GALNT5: variants seen among roughly 807,000 people sequenced by gnomAD.
GALNT5 encodes UDP-GalNAc:polypeptide N-acetylgalactosaminyltransferase 5.
A neutral mutation model predicts 85.4 loss-of-function variants in GALNT5; 72 were observed. The observed-to-expected ratio is 0.84, with a 90% confidence interval of 0.70 to 1.03. GALNT5 has a LOEUF of 1.03. Among genes scored for constraint, GALNT5 ranks in the 50% least tolerant of loss-of-function variants. The pLI is 0.00. For missense variants in GALNT5, 1,137 were observed against 1,135.5 expected (o/e 1.00, Z -0.02); for synonymous variants, 404 against 397.0 (o/e 1.02, Z -0.21).
At chr2:157,280,157 A>C (rs1342828170) in intron 1 of GALNT5, among the ~76,000 whole-genome samples, 1 of 152,152 alleles carries the variant, frequency 6.6e-6, no homozygotes, top group Non-Finnish European at 1.5e-5. Flanking sequence ...GTTCTCCAAA[A>C]ATATATTTAC....
rs1682268563 is a variant in GALNT5 at position 157,258,961 on chromosome 2, T to C, written c.879T>C (p.Ile293=). The C allele has an allele frequency of 6.6e-7, 1 of 1,515,910 alleles. No individual in the cohort carries two copies. The highest frequency in any genetic ancestry group is 8.8e-7 in the Non-Finnish European group (1 of 1,134,010). 93.9% of individuals were successfully genotyped at this position (1,515,910 alleles called of 1,614,324 possible). ...VNSNRLRKQS[I]NETPLGSLSK... is the part of the protein sequence containing the mutation. Reference sequence around the variant, plus strand: ...CAAATCGCTTAAGGAAGCAATCTATTAATGAGACACCTTTGGGAAGTTTGT... The same window carrying C: ...CAAATCGCTTAAGGAAGCAATCTATCAATGAGACACCTTTGGGAAGTTTGT... The change falls in exon 1 of 10, where the codon ATT becomes ATC. Residue 293 remains isoleucine (I), a synonymous_variant. Coordinates refer to ENST00000259056, the MANE Select transcript of GALNT5 (RefSeq NM_014568.3).
In GALNT5 at chr2:157,284,314, C is replaced by T; in HGVS notation, c.1487C>T (p.Pro496Leu). The change falls in exon 2 of 10, where the codon CCA becomes CTA. Residue 496 changes from proline to leucine, a missense_variant. By Grantham distance (98) the Pro-to-Leu change is moderately conservative. Coordinates refer to ENST00000259056, the MANE Select transcript of GALNT5 (RefSeq NM_014568.3). ...GAGCAGCTAGTTCACAATAACCTCC[C>T]AACCACCAGTGTCATCATGTGCTTT... Reference protein sequence around the residue: ...CAEQLVHNNLPTTSVIMCFVD... With the variant: ...CAEQLVHNNLLTTSVIMCFVD... The T allele has an allele frequency of 6.2e-7, 1 of 1,613,910 alleles. No homozygotes were observed. Among genetic ancestry groups the T allele is most frequent in the Non-Finnish European group, 8.5e-7 (1 of 1,179,920 alleles).
rs574969731 is a variant in GALNT5, at chr2:157,318,120, T to C, written c.*6772T>C. ...TACTGTCAAACATATTTCTTCTTTA[T>C]TATACTCTGGTGCTTTATCCTTCTC... On this transcript the variant is annotated 3_prime_UTR_variant, in exon 10 of 10. Coordinates refer to ENST00000259056, the MANE Select transcript of GALNT5 (RefSeq NM_014568.3). 1.4e-4 allele frequency among the ~76,000 whole-genome samples: 21 copies of C among 152,212 alleles called. No individual in the cohort carries two copies. The highest frequency in any genetic ancestry group is 5.1e-4 in the African/African-American group (21 of 41,566).
chr2:157,304,208 G>GGCATTGAATTCA (rs1182006657), intron 7 of GALNT5, among the ~76,000 whole-genome samples: 1 of 152,132 alleles, frequency 6.6e-6, no homozygotes, highest in African/African-American at 2.4e-5. Flanking sequence ...GTGGGACTGT[G>GGCATTGAATTCA]GGGGCATTGA....
At chr2:157,300,080 C>G (rs1030143283) in intron 6 of GALNT5, among the ~76,000 whole-genome samples, 7 of 152,320 alleles carry the variant, frequency 4.6e-5, no homozygotes, top group African/African-American at 1.7e-4. Flanking sequence ...AGCAGGTCAC[C>G]AACAGGTCAG....
At position 157,259,175 on chromosome 2, in the gene GALNT5, G is replaced by C; in HGVS notation, c.1093G>C (p.Glu365Gln). Residue 365 changes from glutamate (E) to glutamine (Q), a missense_variant, in exon 1 of 10, where the codon GAG becomes CAG. Physicochemically the swap from Glu to Gln is conservative, Grantham distance 29. Coordinates refer to ENST00000259056, the MANE Select transcript of GALNT5 (RefSeq NM_014568.3). ...TAAACACATTTCCAGGAATAGAAGT[G>C]AGATGTCTTCCTCTTCACTTGCTCC... ...QSKHISRNRS[E>Q]MSSSSLAPHR... 6.5e-7 allele frequency: 1 copy of C among 1,529,728 alleles called. No individual in the cohort carries two copies. Among genetic ancestry groups the C allele is most frequent in the East Asian group, 2.3e-5 (1 of 43,968 alleles). The allele number at this position is 1,529,728 out of a possible 1,614,324, so 94.8% of individuals were successfully genotyped here.
rs1211441296 is a variant in GALNT5, at chr2:157,313,593, A to T, written c.*2245A>T. 1 of 152,150 alleles carries T rather than the reference A, an allele frequency of 6.6e-6. No individual in the cohort carries two copies. Among genetic ancestry groups the T allele is most frequent in the Non-Finnish European group, 1.5e-5 (1 of 68,014 alleles). 9.4% of individuals were successfully genotyped at this position (152,150 alleles called of 1,614,324 possible). On this transcript the variant is annotated 3_prime_UTR_variant, in exon 10 of 10. Transcript: ENST00000259056. ...CTTCATGTAACTAAAAAATGTTGAG[A>T]GGTTTTTTTCCCCCGGGTATATAGG...
At chr2:157,310,887 T>C (rs1031120442) in intron 9 of GALNT5, among the ~76,000 whole-genome samples, 4 of 152,200 alleles carry the variant, frequency 2.6e-5, no homozygotes, top group Non-Finnish European at 4.4e-5. Flanking sequence ...GTAGTTATCA[T>C]CTATCAAATC....
chr2:157,299,926 T>A (rs1170314871), intron 6 of GALNT5, among the ~76,000 whole-genome samples: 1 of 152,196 alleles, frequency 6.6e-6, no homozygotes, highest in Non-Finnish European at 1.5e-5. Context: ...TTTCTGCCAC[T>A]CAGAGTAAAT....
chr2:157,285,983 G>A, intron 2 of GALNT5, 32 bp from the exon 3 acceptor site: 2 of 1,547,892 alleles, frequency 1.3e-6, no homozygotes, highest in Non-Finnish European at 1.8e-6. Flanking sequence ...CTTAATTCAA[G>A]TATTTCCTGG....
At chr2:157,301,441 TG>T (rs1466395545) in intron 7 of GALNT5, 8 of 205,134 alleles carry the variant, frequency 3.9e-5, no homozygotes, top group African/African-American at 7.0e-5. Flanking sequence ...AAGGAGACTT[TG>T]TAACTCAGGC....
At chr2:157,294,311 G>A (rs1683162354) in intron 3 of GALNT5, among the ~76,000 whole-genome samples, 1 of 152,128 alleles carries the variant, frequency 6.6e-6, no homozygotes, top group African/African-American at 2.4e-5. Flanking sequence ...GCAGAACAGA[G>A]CAGACAAGAG....
chr2:157,306,802 G>A (rs1418359809), intron 8 of GALNT5, among the ~76,000 whole-genome samples: 1 of 152,096 alleles, frequency 6.6e-6, no homozygotes, highest in Non-Finnish European at 1.5e-5. Context: ...TATCTCTGTT[G>A]CTATATTTAG....
chr2:157,259,094 G>A lies in GALNT5; in HGVS notation c.1012G>A (p.Val338Ile), dbSNP rs1419855261. The change falls in exon 1 of 10, where the codon GTC (valine) becomes ATC (isoleucine). Residue 338 changes from valine to isoleucine, a missense_variant. Transcript: ENST00000259056. ...AGAGCAAAAGGCAGACCCCAAAGAG[G>A]TCTCTAATTCTAAAACCAAAACAAT... ...EEEQKADPKE[V>I]SNSKTKTIFP... The A allele has an allele frequency of 2.0e-6, 3 of 1,480,066 alleles. No homozygotes were observed. Among genetic ancestry groups the A allele is most frequent in the Non-Finnish European group, 1.8e-6 (2 of 1,113,908 alleles). 91.7% of individuals were successfully genotyped at this position (1,480,066 alleles called of 1,614,324 possible).
At chr2:157,274,925 T>G (rs1356771726) in intron 1 of GALNT5, among the ~76,000 whole-genome samples, 1 of 152,216 alleles carries the variant, frequency 6.6e-6, no homozygotes, top group Admixed American at 6.5e-5. Flanking sequence ...TCCTGAATGG[T>G]ATTGCCTAGA....
intron 3 of GALNT5, among the ~76,000 whole-genome samples, chr2:157,291,639 C>A (rs1683103556): frequency 7.2e-6 from 1 of 139,012 alleles, no homozygotes; most frequent in African/African-American, 2.9e-5. Context: ...ACCCACCCCC[C>A]CCCAGATTTT....
chr2:157,299,593 C>CTT lies in GALNT5; in HGVS notation c.2048_2049dup (p.Glu684LeufsTer56). 6.2e-7 allele frequency: 1 copy of CTT among 1,613,340 alleles called. No individual in the cohort carries two copies. Among genetic ancestry groups the CTT allele is most frequent in the Admixed American group, 1.7e-5 (1 of 59,978 alleles). ...GATTGTTTTCTATTGACAAAAGTTA[C>CTT]TTTTTTGAACTTGGAACATACGACC... On this transcript the variant is annotated frameshift_variant, in exon 6 of 10. Transcript: ENST00000259056. LOFTEE classifies it high-confidence loss of function.
chr2:157,295,346 G>A (rs888463276), intron 3 of GALNT5, among the ~76,000 whole-genome samples: 3 of 151,954 alleles, frequency 2.0e-5, no homozygotes, highest in Non-Finnish European at 4.4e-5. Context: ...AGAGTTAATG[G>A]GCACACTCTC....
rs1683626702 is a variant in GALNT5 at position 157,313,611 on chromosome 2, T to C, written c.*2263T>C. 1 of 152,110 alleles carries C rather than the reference T, an allele frequency of 6.6e-6. No homozygotes were observed. Among genetic ancestry groups the C allele is most frequent in the Non-Finnish European group, 1.5e-5 (1 of 68,006 alleles). 9.4% of individuals were successfully genotyped at this position (152,110 alleles called of 1,614,324 possible). ...TGTTGAGAGGTTTTTTTCCCCCGGG[T>C]ATATAGGCTCTCTTTTTATCCGAAA... On this transcript the variant is annotated 3_prime_UTR_variant, in exon 10 of 10. Coordinates refer to ENST00000259056, the MANE Select transcript of GALNT5 (RefSeq NM_014568.3).
Sources: gnomAD v4.1 joint callset for allele counts (sites outside exome capture counted in the v4.1 genomes callset) on GRCh38, gnomAD v4.1.1 for gene constraint, MANE v1.5 for transcripts, NCBI Gene and HGNC (gene_info 2026-07-23, HGNC 2026-07-21) for gene names.